The following PTPRT variants were observed in gnomAD, a reference collection of about 807,000 sequenced individuals.
PTPRT encodes the protein receptor-type tyrosine-protein phosphatase T.
Under a neutral mutation model 176.8 loss-of-function variants are expected in PTPRT, and 56 were observed. The ratio of observed to expected loss-of-function variants is 0.32; its 90% CI spans 0.26 to 0.40. The LOEUF is 0.40. Ranked by LOEUF, PTPRT falls within the 10% of genes least tolerant of loss-of-function variation. The pLI is 1.00. For synonymous variants in PTPRT, 783 were observed against 739.0 expected (o/e 1.06, Z -0.96); for missense variants, 1,540 against 1,908.2 (o/e 0.81, Z 3.60).
In PTPRT at chr20:42,622,530, G is replaced by A. The variant is rs138198962; in HGVS notation, c.1153+55336C>T. Among the ~76,000 whole-genome samples, 1,048 of 152,138 alleles carry A rather than the reference G, an allele frequency of 6.9e-3. 12 individuals carry two copies. Among genetic ancestry groups the A allele is most frequent in the African/African-American group, 0.024 (1,006 of 41,506 alleles). On this transcript the variant is annotated intron_variant, in intron 7 of 30. Transcript: ENST00000373187. ...GCTGGCATTACAGGCATGAGCCACC[G>A]TGCCCGGCCAGACTTAAATTTTAAG...
At chr20:42,822,542 T>C (rs2077913829) in intron 2 of PTPRT, among the ~76,000 whole-genome samples, 1 of 152,072 alleles carries the variant, frequency 6.6e-6, no homozygotes, top group Non-Finnish European at 1.5e-5. Flanking sequence ...AAGGCCAAAA[T>C]TGACCAATGA....
intron 2 of PTPRT, among the ~76,000 whole-genome samples, chr20:42,839,447 T>C (rs1382223860): frequency 2.6e-5 from 4 of 152,082 alleles, no homozygotes; most frequent in Admixed American, 6.5e-5. Context: ...TGAGCCAGCA[T>C]GATAAAATCC....
chr20:43,059,084 A>G (rs914874734), intron 1 of PTPRT, among the ~76,000 whole-genome samples: 1 of 152,198 alleles, frequency 6.6e-6, no homozygotes, highest in Non-Finnish European at 1.5e-5. Context: ...CTCTGAGCCT[A>G]TGATGGCAGG....
At chr20:42,443,641 A>T (rs1568884107) in intron 9 of PTPRT, among the ~76,000 whole-genome samples, 1 of 152,232 alleles carries the variant, frequency 6.6e-6, no homozygotes, top group Non-Finnish European at 1.5e-5. Flanking sequence ...AGGCTGCTGC[A>T]GAATGAGACG....
intron 5 of PTPRT, among the ~76,000 whole-genome samples, chr20:42,769,347 C>T (rs981371246): frequency 3.3e-5 from 5 of 152,120 alleles, no homozygotes; most frequent in Non-Finnish European, 7.4e-5. Flanking sequence ...GGAGAGACAG[C>T]TAGGCAAAGG....
intron 1 of PTPRT, among the ~76,000 whole-genome samples, chr20:42,923,778 G>A (rs1979308901): frequency 6.6e-6 from 1 of 152,194 alleles, no homozygotes; most frequent in African/African-American, 2.4e-5. Flanking sequence ...GGGCCTCTTG[G>A]GCCAGCAGTG....
At chr20:42,189,720 C>A (rs1161354479) in intron 16 of PTPRT, among the ~76,000 whole-genome samples, 1 of 152,140 alleles carries the variant, frequency 6.6e-6, no homozygotes, top group African/African-American at 2.4e-5. Context: ...AGGCCACGGG[C>A]CCAATTCTAG....
At chr20:43,106,670 A>AG (rs1363632042) in intron 1 of PTPRT, among the ~76,000 whole-genome samples, 4 of 79,438 alleles carry the variant, frequency 5.0e-5, no homozygotes, top group Non-Finnish European at 1.0e-4. Context: ...AAAAAAGAAA[A>AG]AAAAAAAAAA....
chr20:42,050,304 C>T, the PTPRT span, among the ~76,000 whole-genome samples: 1 of 152,136 alleles, frequency 6.6e-6, no homozygotes, highest in Admixed American at 6.5e-5. Flanking sequence ...GTAGCATTTA[C>T]AAATGCATAC....
intron 6 of PTPRT, among the ~76,000 whole-genome samples, chr20:42,740,979 G>A (rs773806477): frequency 6.6e-6 from 1 of 152,220 alleles, no homozygotes; most frequent in Non-Finnish European, 1.5e-5. Flanking sequence ...ACTTGAGAGA[G>A]AGAGTGTGCA....
chr20:42,303,758 A>T (rs1778683716), intron 12 of PTPRT, among the ~76,000 whole-genome samples: 1 of 152,140 alleles, frequency 6.6e-6, no homozygotes, highest in African/African-American at 2.4e-5. Flanking sequence ...ACTATCCAGA[A>T]CTACGATGGT....
At chr20:43,007,774 T>A (rs1016692304) in intron 1 of PTPRT, among the ~76,000 whole-genome samples, 4 of 152,200 alleles carry the variant, frequency 2.6e-5, no homozygotes, top group African/African-American at 9.6e-5. Context: ...GTTTGAAAAG[T>A]TCTGAGACTT....
At chr20:42,201,239 G>T (rs893476332) in intron 15 of PTPRT, among the ~76,000 whole-genome samples, 2 of 152,162 alleles carry the variant, frequency 1.3e-5, no homozygotes, top group Non-Finnish European at 2.9e-5. Flanking sequence ...GGTGGAGGCT[G>T]CAGTGAGCCG....
rs556654820 is a variant in PTPRT at position 42,670,444 on chromosome 20, C to A, written c.1153+7422G>T. ...CTCTAAAGCCTCTATCCTTTTCATTCAATTCTAATGACTACTCTCACTTCA... is the reference window on the plus strand; with the variant it reads ...CTCTAAAGCCTCTATCCTTTTCATTAAATTCTAATGACTACTCTCACTTCA... On this transcript the variant is annotated intron_variant, in intron 7 of 30. Transcript: ENST00000373187. Among the ~76,000 whole-genome samples the A allele has an allele frequency of 4.6e-5, 7 of 152,298 alleles. No homozygotes were observed. The South Asian group carries it at 1.0e-3, about 23-fold the overall frequency.
intron 18 of PTPRT, among the ~76,000 whole-genome samples, chr20:42,141,570 C>T (rs943682227): frequency 7.9e-5 from 12 of 152,324 alleles, no homozygotes; most frequent in African/African-American, 2.2e-4. Context: ...GGGTCTTCCG[C>T]ATGTCAGCCC....
intron 7 of PTPRT, among the ~76,000 whole-genome samples, chr20:42,619,896 G>A (rs1354512884): frequency 1.2e-4 from 17 of 141,282 alleles, no homozygotes; most frequent in East Asian, 2.0e-4. Flanking sequence ...ATGTCCTCCC[G>A]TAGCTCAGAG....
intron 27 of PTPRT, among the ~76,000 whole-genome samples, chr20:42,094,243 G>C (rs1429180823): frequency 2.0e-5 from 3 of 152,220 alleles, no homozygotes; most frequent in African/African-American, 7.2e-5. Context: ...CCAGGCTCAT[G>C]AGCTGAGTTC....
intron 6 of PTPRT, among the ~76,000 whole-genome samples, chr20:42,746,787 C>G (rs1443660378): frequency 6.6e-6 from 1 of 152,054 alleles, no homozygotes; most frequent in Non-Finnish European, 1.5e-5. Context: ...CCAGGAAAGT[C>G]AAGATCAGGC....
chr20:42,567,525 A>G (rs1203914343), intron 7 of PTPRT, among the ~76,000 whole-genome samples: 2 of 152,206 alleles, frequency 1.3e-5, no homozygotes, highest in African/African-American at 4.8e-5. Flanking sequence ...ATCACACCCA[A>G]GAGAAGTAAC....
Sources: allele counts gnomAD v4.1 joint callset (sites outside exome capture counted in the v4.1 genomes callset), GRCh38; gene constraint gnomAD v4.1.1; transcripts MANE v1.5; gene names NCBI Gene and HGNC (gene_info 2026-07-23, HGNC 2026-07-21).